The following PRKCH variants were observed in gnomAD, a reference collection of about 807,000 sequenced individuals.
PRKCH encodes the protein protein kinase C eta type.
A neutral mutation model predicts 82.5 loss-of-function variants in PRKCH; 28 were observed. The observed-to-expected ratio is 0.34, with a 90% confidence interval of 0.25 to 0.47. The LOEUF is 0.47. PRKCH is among the 20% of genes least tolerant of loss of function. PRKCH has a pLI of 1.00. For missense variants in PRKCH, 705 were observed against 881.8 expected (o/e 0.80, Z 2.54); for synonymous variants, 322 against 327.4 (o/e 0.98, Z 0.18).
intron 2 of PRKCH, among the ~76,000 whole-genome samples, chr14:61,435,797 TGAACATCCA>T (rs1197190792): frequency 6.6e-6 from 1 of 152,144 alleles, no homozygotes; most frequent in Non-Finnish European, 1.5e-5. Context: ...AGTTGATGAA[TGAACATCCA>T]GAAAGACTAG....
At chr14:61,514,910 C>T (rs572941570) in intron 10 of PRKCH, among the ~76,000 whole-genome samples, 170 of 152,324 alleles carry the variant, frequency 1.1e-3, no homozygotes, top group African/African-American at 3.9e-3. Flanking sequence ...GGAAGGCAAA[C>T]ACCAGTGCAG....
At chr14:61,362,095 G>T (rs148350166) in intron 1 of PRKCH, among the ~76,000 whole-genome samples, 3 of 152,118 alleles carry the variant, frequency 2.0e-5, no homozygotes, top group African/African-American at 7.2e-5. Flanking sequence ...CAAACACTTC[G>T]GGAGGCTGAA....
chr14:61,248,435 C>G (rs768653078), intron 1 of PRKCH, among the ~76,000 whole-genome samples: 65 of 152,200 alleles, frequency 4.3e-4, no homozygotes, highest in Non-Finnish European at 7.9e-4. Flanking sequence ...AGCTAAGATA[C>G]TGGCTGCCAA....
intron 9 of PRKCH, among the ~76,000 whole-genome samples, chr14:61,475,220 A>G (rs1885678323): frequency 6.6e-6 from 1 of 152,258 alleles, no homozygotes; most frequent in South Asian, 2.1e-4. Context: ...TGATGCTTAA[A>G]CCAAAAGCTT....
rs543468412 is a variant in PRKCH, at chr14:61,396,222, A to G, written c.427+4934A>G. Among the ~76,000 whole-genome samples the G allele has an allele frequency of 6.6e-5, 10 of 152,180 alleles. 1 individual carries two copies. In the East Asian group the frequency reaches 1.5e-3, roughly 23 times the overall value. On this transcript the variant is annotated intron_variant, in intron 2 of 13. Transcript: ENST00000332981. ...CCTATGCGGGTTCTGCCATAAGCTC[A>G]GATTCTATAATCTCAAAGCACTCCT...
At chr14:61,327,273 G>T in intron 1 of PRKCH, 1 of 333,786 alleles carries the variant, frequency 3.0e-6, no homozygotes, top group Non-Finnish European at 6.0e-6. Flanking sequence ...CCTGGATCCA[G>T]GTGTCTGAAT....
At chr14:61,372,346 T>C (rs2046373432) in intron 1 of PRKCH, among the ~76,000 whole-genome samples, 1 of 152,082 alleles carries the variant, frequency 6.6e-6, no homozygotes, top group Admixed American at 6.5e-5. Context: ...CACATATCTG[T>C]AAATATTTCT....
intron 1 of PRKCH, among the ~76,000 whole-genome samples, chr14:61,198,858 A>G (rs1262424827): frequency 1.3e-5 from 2 of 152,206 alleles, no homozygotes; most frequent in Admixed American, 1.3e-4. Flanking sequence ...TTTCACTATC[A>G]TCTTATATTT....
intron 2 of PRKCH, among the ~76,000 whole-genome samples, chr14:61,426,039 C>G (rs1883090473): frequency 6.6e-6 from 1 of 152,214 alleles, no homozygotes; most frequent in Admixed American, 6.5e-5. Flanking sequence ...CCATGTGTAA[C>G]TGTGAGTCAA....
In PRKCH at chr14:61,374,363, G is replaced by A. The variant is rs982874240; in HGVS notation, c.364-16862G>A. ...ACCATTCTGGGGTCTGGAGGACAAT[G>A]TCTGTCTTCCCACAGCTCCACTAGG... On this transcript the variant is annotated intron_variant, in intron 1 of 13. Coordinates refer to ENST00000332981, the MANE Select transcript of PRKCH (RefSeq NM_006255.5). Among the ~76,000 whole-genome samples the A allele has an allele frequency of 5.3e-5, 8 of 152,150 alleles. 1 individual carries two copies. Among genetic ancestry groups the A allele is most frequent in the African/African-American group, 1.4e-4 (6 of 41,382 alleles).
At chr14:61,502,169 A>C (rs1432912099) in intron 10 of PRKCH, among the ~76,000 whole-genome samples, 2 of 145,986 alleles carry the variant, frequency 1.4e-5, no homozygotes, top group Non-Finnish European at 3.0e-5. Flanking sequence ...GGTTCAAGTG[A>C]TTCTCCTACC....
intron 10 of PRKCH, among the ~76,000 whole-genome samples, chr14:61,503,522 T>C (rs141282564): frequency 0.019 from 2,862 of 152,238 alleles, 50 homozygotes; most frequent in Non-Finnish European, 0.027. Flanking sequence ...ATTTAAGAAA[T>C]AGGACTCTGT....
At chr14:61,347,221 T>A (rs952712926) in intron 1 of PRKCH, among the ~76,000 whole-genome samples, 1 of 152,236 alleles carries the variant, frequency 6.6e-6, no homozygotes, top group African/African-American at 2.4e-5. Context: ...GGAGGGAATA[T>A]TGATTGAATT....
intron 1 of PRKCH, among the ~76,000 whole-genome samples, chr14:61,259,914 C>T (rs1262602119): frequency 3.9e-5 from 6 of 152,010 alleles, no homozygotes; most frequent in Admixed American, 6.6e-5. Context: ...TCCATCAATC[C>T]CCAGAAATCC....
chr14:61,386,119 C>G (rs377484550), intron 1 of PRKCH, among the ~76,000 whole-genome samples: 5 of 152,166 alleles, frequency 3.3e-5, no homozygotes, highest in African/African-American at 1.2e-4. Context: ...TTTGGTTGCT[C>G]TCTCAGAATA....
Position 61,203,382 on chromosome 14 carries a change from A to G in PRKCH, c.-19+15714A>G, listed in dbSNP as rs1317686278. On this transcript the variant is annotated intron_variant, in intron 1 of 3. Transcript: ENST00000555185. The stretch of plus-strand genomic sequence containing the variant: ...AAGAGGTGCCAAGCCAGAAGCCCCA[A>G]AGTGCTGGGAAAGCCAGCACAGAGA... Among the ~76,000 whole-genome samples, 9 of 152,134 alleles carry G rather than the reference A, an allele frequency of 5.9e-5. No homozygotes were observed. In the East Asian group the frequency reaches 1.7e-3, roughly 29 times the overall value.
At chr14:61,308,776 T>TAA (rs1399647901) in intron 1 of PRKCH, among the ~76,000 whole-genome samples, 95 of 151,986 alleles carry the variant, frequency 6.3e-4, no homozygotes, top group African/African-American at 2.1e-3. Context: ...CTACAGGCAT[T>TAA]TGCCACCACA....
intron 9 of PRKCH, 50 bp from the exon 10 acceptor site, chr14:61,485,452 C>G (rs778253282): frequency 1.3e-6 from 2 of 1,592,146 alleles, no homozygotes; most frequent in South Asian, 1.1e-5. Context: ...TGATGGAGCT[C>G]TAGGTTAATT....
intron 1 of PRKCH, among the ~76,000 whole-genome samples, chr14:61,329,843 G>A (rs76866439): frequency 0.029 from 4,481 of 152,294 alleles, 100 homozygotes; most frequent in Middle Eastern, 0.054. Context: ...GAATGGATTG[G>A]CCTCTAATGG....
Sources: gnomAD v4.1 joint callset for allele counts (sites outside exome capture counted in the v4.1 genomes callset) on GRCh38, gnomAD v4.1.1 for gene constraint, MANE v1.5 for transcripts, NCBI Gene and HGNC (gene_info 2026-07-23, HGNC 2026-07-21) for gene names.